The following POLQ variants were observed in gnomAD, a reference collection of about 807,000 sequenced individuals.
The protein encoded by POLQ is DNA polymerase theta, also known as epididymis secretory sperm binding protein.
In POLQ, 233 loss-of-function variants were observed where a neutral mutation model predicts 259.2. That is an observed-to-expected ratio of 0.90 (90% CI 0.81 to 1.00). The LOEUF (loss-of-function observed/expected upper bound fraction) is 1.00, where lower values mean the gene tolerates loss of function less well. Among genes scored for constraint, POLQ ranks in the 50% least tolerant of loss-of-function variants. The probability of loss-of-function intolerance (pLI) is 0.00; values close to 1 mark genes in which losing one functional copy is unlikely to be tolerated. For missense variants in POLQ, 2,871 were observed against 3,051.6 expected (o/e 0.94, Z 1.39); for synonymous variants, 1,025 against 1,048.8 (o/e 0.98, Z 0.44).
rs1429001248 is a variant in POLQ at position 121,539,502 on chromosome 3, C to G, written c.562G>C (p.Val188Leu). The change falls in exon 4 of 30, where the codon GTC becomes CTC. Residue 188 changes from valine (V) to leucine (L), a missense_variant. Transcript: ENST00000264233. Reference sequence around the variant, plus strand: ...CCATTGGCTCTCTCAATTGTGCAGACTGCAATATCCAATGAAGAGAAATGC... The same window carrying G: ...CCATTGGCTCTCTCAATTGTGCAGAGTGCAATATCCAATGAAGAGAAATGC... ...SRHFSSLDIA[V>L]CTIERANGLI... is the part of the protein sequence containing the mutation. 6.2e-7 allele frequency: 1 copy of G among 1,612,956 alleles called. No homozygotes were observed. The highest frequency in any genetic ancestry group is 8.5e-7 in the Non-Finnish European group (1 of 1,178,948).
At chr3:121,526,717 C>T (rs1235875389) in intron 7 of POLQ, among the ~76,000 whole-genome samples, 1 of 151,976 alleles carries the variant, frequency 6.6e-6, no homozygotes, top group Non-Finnish European at 1.5e-5. Context: ...CACATATAAA[C>T]CTCTTTCTAA....
In POLQ at chr3:121,476,621, G is replaced by A. The variant is rs200084296; in HGVS notation, c.6324C>T (p.Ala2108=). The change falls in exon 20 of 30, where the codon GCC becomes GCT. Residue 2108 remains alanine (A), a synonymous_variant. Transcript: ENST00000264233. ...ECESQKHIMQ[A]KLDAIETQAY... is the part of the protein sequence containing the mutation. ...CCTGGGTCTCAATTGCATCCAGCTT[G>A]GCTTGCATTATATGTTTCTGACTTT... The A allele has an allele frequency of 4.8e-5, 78 of 1,613,864 alleles. No homozygotes were observed. Among genetic ancestry groups the A allele is most frequent in the Non-Finnish European group, 6.4e-5 (76 of 1,179,852 alleles).
intron 8 of POLQ, among the ~76,000 whole-genome samples, chr3:121,521,396 C>G (rs2048335386): frequency 6.6e-6 from 1 of 152,056 alleles, no homozygotes; most frequent in South Asian, 2.1e-4. Context: ...TATACCCCCT[C>G]ACACACACAC....
At chr3:121,526,558 GA>G in intron 7 of POLQ, among the ~76,000 whole-genome samples, 1 of 151,966 alleles carries the variant, frequency 6.6e-6, no homozygotes, top group East Asian at 1.9e-4. Flanking sequence ...TGTTCAGGCA[GA>G]TATCCTTTCT....
At chr3:121,479,258 T>A (rs1003657920) in intron 19 of POLQ, among the ~76,000 whole-genome samples, 3 of 151,198 alleles carry the variant, frequency 2.0e-5, no homozygotes, top group East Asian at 3.9e-4. Flanking sequence ...ACACCTGTAA[T>A]CCCAGCACTT....
At chr3:121,506,600 T>C (rs1203599722) in intron 12 of POLQ, among the ~76,000 whole-genome samples, 1 of 152,154 alleles carries the variant, frequency 6.6e-6, no homozygotes, top group Non-Finnish European at 1.5e-5. Flanking sequence ...TGTGAAGCTG[T>C]GAAAAAACAA....
intron 18 of POLQ, among the ~76,000 whole-genome samples, 188 bp from the exon 19 acceptor site, chr3:121,482,000 A>G (rs988552620): frequency 6.6e-6 from 1 of 152,226 alleles, no homozygotes; most frequent in African/African-American, 2.4e-5. Flanking sequence ...GGTAGCAACA[A>G]CAGCAGTAGC....
chr3:121,506,223 C>T (rs1018177452), intron 12 of POLQ, among the ~76,000 whole-genome samples: 5 of 151,794 alleles, frequency 3.3e-5, no homozygotes, highest in African/African-American at 1.2e-4. Context: ...TCTACTTATA[C>T]CACAAAGCAC....
chr3:121,521,822 C>T (rs546778257), intron 8 of POLQ, 181 bp downstream of exon 8: 8 of 363,588 alleles, frequency 2.2e-5, no homozygotes, highest in South Asian at 6.3e-5. Context: ...CCACTTGCTT[C>T]GGCCTCCCAA....
intron 2 of POLQ, among the ~76,000 whole-genome samples, chr3:121,544,051 C>G (rs572484728): frequency 6.6e-6 from 1 of 151,660 alleles, no homozygotes; most frequent in African/African-American, 2.4e-5. Context: ...ATATACAACC[C>G]TGTACAAACA....
At position 121,509,683 on chromosome 3, in the gene POLQ, G is replaced by T. The variant is rs146629376; in HGVS notation, c.1837C>A (p.His613Asn). 8 of 1,613,674 alleles carry T rather than the reference G, an allele frequency of 5.0e-6. No homozygotes were observed. The highest frequency in any genetic ancestry group is 5.9e-6 in the Non-Finnish European group (7 of 1,179,722). Residue 613 changes from histidine (H) to asparagine (N), a missense_variant, in exon 12 of 30, where the codon CAT (histidine) becomes AAT (asparagine). Physicochemically the swap from His to Asn is moderately conservative, Grantham distance 68. Coordinates refer to ENST00000264233, the MANE Select transcript of POLQ (RefSeq NM_199420.4). ...GAAGAAAGAGTGGCCGAACCAAGAT[G>T]TGTTGGATGATACACCTTTCCTGGT... is the stretch of plus-strand genomic sequence containing the variant. Reference protein sequence around the residue: ...GTEGKVYHPTHLGSATLSSSL... With the variant: ...GTEGKVYHPTNLGSATLSSSL...
Position 121,484,912 on chromosome 3 carries a change from A to C in POLQ, c.5773+129T>G. On this transcript the variant is annotated intron_variant, in intron 17 of 29. Coordinates refer to ENST00000264233, the MANE Select transcript of POLQ (RefSeq NM_199420.4). ...TGACATTCTGTCTCAAAAAACAAACAAAAAAAAATTTAACTCTAAAAATAA... is the reference window on the plus strand; with the variant it reads ...TGACATTCTGTCTCAAAAAACAAACCAAAAAAAATTTAACTCTAAAAATAA... The C allele has an allele frequency of 4.2e-6, 3 of 706,872 alleles. No individual in the cohort carries two copies. In the African/African-American group the frequency reaches 5.6e-5, roughly 13 times the overall value. 43.8% of individuals were successfully genotyped at this position (706,872 alleles called of 1,614,324 possible).
intron 25 of POLQ, among the ~76,000 whole-genome samples, chr3:121,457,073 A>C (rs942545597): frequency 2.6e-5 from 4 of 152,196 alleles, no homozygotes; most frequent in Admixed American, 2.6e-4. Context: ...CCTCAGAAAT[A>C]ACGCCGCATA....
intron 2 of POLQ, among the ~76,000 whole-genome samples, chr3:121,541,703 A>C (rs1312523770): frequency 6.6e-6 from 1 of 152,214 alleles, no homozygotes; most frequent in Non-Finnish European, 1.5e-5. Flanking sequence ...TTATATCAGC[A>C]ATATGATGAA....
chr3:121,485,017 C>T (rs1221387663), intron 17 of POLQ, 24 bp downstream of exon 17: 6 of 1,572,218 alleles, frequency 3.8e-6, no homozygotes, highest in Non-Finnish European at 5.2e-6. Flanking sequence ...TACATAGTGA[C>T]TTAGCCAAAT....
intron 7 of POLQ, among the ~76,000 whole-genome samples, chr3:121,525,552 A>G (rs184591277): frequency 1.3e-5 from 2 of 152,210 alleles, no homozygotes; most frequent in Admixed American, 1.3e-4. Context: ...TTACGCAAAT[A>G]CATTATAATT....
chr3:121,457,512 T>A (rs2047752251), intron 25 of POLQ, among the ~76,000 whole-genome samples: 1 of 152,096 alleles, frequency 6.6e-6, no homozygotes, highest in Non-Finnish European at 1.5e-5. Context: ...ATCCAGAATC[T>A]ACAATGAACT....
chr3:121,452,253 G>A (rs770069924), intron 25 of POLQ, among the ~76,000 whole-genome samples: 48 of 152,030 alleles, frequency 3.2e-4, no homozygotes, highest in Non-Finnish European at 5.9e-4. Context: ...GTGATGCCTC[G>A]CCCTGCTTCG....
At position 121,436,747 on chromosome 3, in the gene POLQ, T is replaced by C. The variant is rs896109134; in HGVS notation, c.7390-472A>G. 2.6e-5 allele frequency among the ~76,000 whole-genome samples: 4 copies of C among 151,886 alleles called. No homozygotes were observed. In the South Asian group the frequency reaches 6.3e-4, roughly 24 times the overall value. On this transcript the variant is annotated intron_variant, in intron 27 of 29. Coordinates refer to ENST00000264233, the MANE Select transcript of POLQ (RefSeq NM_199420.4). ...TAATATAGAGTGTGAGCCCTGCAGG[T>C]ATGGAGCCCTCTGATGTGAATCAGA...
Sources: gnomAD v4.1 joint callset for allele counts (sites outside exome capture counted in the v4.1 genomes callset) on GRCh38, gnomAD v4.1.1 for gene constraint, MANE v1.5 for transcripts, NCBI Gene and HGNC (gene_info 2026-07-23, HGNC 2026-07-21) for gene names.